Variants in MRTFB observed in about 807,000 individuals in gnomAD.
The protein encoded by MRTFB is myocardin-related transcription factor B.
A neutral mutation model predicts 104.2 loss-of-function variants in MRTFB; 29 were observed. That is an observed-to-expected ratio of 0.28 (90% CI 0.21 to 0.38). The LOEUF (loss-of-function observed/expected upper bound fraction) is 0.38, where lower values mean the gene tolerates loss of function less well. Among genes scored for constraint, MRTFB ranks in the 10% least tolerant of loss-of-function variants. The pLI is 1.00. For synonymous variants in MRTFB, 535 were observed against 519.5 expected, an observed-to-expected ratio of 1.03 and a Z score of -0.41; for missense variants, 1,270 against 1,341.6, an observed-to-expected ratio of 0.95 and a Z score of 0.83.
rs941827968 is a variant in MRTFB, at chr16:14,177,931, TGTGTGC to T, written c.155-32311_155-32306del. ...GTGTGTGTGTGTGTGTGTGTGTGTG[TGTGTGC>T]ACGCATTGGTGGGTGTTTAGAGTTA... On this transcript the variant is annotated intron_variant, in intron 3 of 16. Transcript: ENST00000571589. This position sits in a 1 kb window ranked among gnomAD's most constrained non-coding sequence, Gnocchi z 4.7. Among the ~76,000 whole-genome samples the T allele has an allele frequency of 2.0e-5, 3 of 151,738 alleles. No individual in the cohort carries two copies. Among genetic ancestry groups the T allele is most frequent in the African/African-American group, 7.3e-5 (3 of 41,238 alleles).
the MRTFB span, among the ~76,000 whole-genome samples, chr16:13,998,415 G>A: frequency 3.7e-4 from 56 of 152,250 alleles, no homozygotes; most frequent in African/African-American, 1.3e-3. Context: ...AACACTTTGG[G>A]AGGCAGGAGA....
chr16:14,186,841 G>A lies in MRTFB; in HGVS notation c.155-23402G>A, dbSNP rs1042999883. On this transcript the variant is annotated intron_variant, in intron 3 of 16. Coordinates refer to ENST00000571589, the MANE Select transcript of MRTFB (RefSeq NM_001308142.2). ...GGACCCAGGGACCAGAGTGTTCTGC[G>A]CACCGCACTTCGCTCTTCTGCAAAT... The A allele has an allele frequency of 2.8e-5, 45 of 1,593,144 alleles. No homozygotes were observed. In the African/African-American group the frequency reaches 3.1e-4, roughly 11 times the overall value.
intron 4 of MRTFB, among the ~76,000 whole-genome samples, chr16:14,211,345 A>G (rs2041182762): frequency 6.6e-6 from 1 of 152,200 alleles, no homozygotes; most frequent in Non-Finnish European, 1.5e-5. Flanking sequence ...CACCATTGCT[A>G]GGCCAGCTCT....
At chr16:14,071,069 T>TGCGCAC (rs1165708823), upstream of MRTFB, among the ~76,000 whole-genome samples, 22 of 152,164 alleles carry the variant, frequency 1.4e-4, no homozygotes, top group African/African-American at 4.6e-4. Context: ...GACATGCGCA[T>TGCGCAC]GCGCACGCGC....
At chr16:14,055,793 A>G in the MRTFB span, among the ~76,000 whole-genome samples, 5 of 149,996 alleles carry the variant, frequency 3.3e-5, no homozygotes, top group Non-Finnish European at 7.4e-5. Context: ...TAAAGTTACC[A>G]TTTTTCTTTT....
At chr16:14,200,815 T>C in intron 3 of MRTFB, 1 of 1,471,714 alleles carries the variant, frequency 6.8e-7, no homozygotes, top group Non-Finnish European at 9.5e-7. Flanking sequence ...TAAAAAGTGG[T>C]TGGCGGTGGT....
Position 14,198,670 on chromosome 16 carries a change from CA to C in MRTFB, c.155-11572del, listed in dbSNP as rs1379648844. Among the ~76,000 whole-genome samples the C allele has an allele frequency of 2.0e-5, 3 of 152,188 alleles. No individual in the cohort carries two copies. In the East Asian group the frequency reaches 5.8e-4, roughly 29 times the overall value. ...CCTCAAAATTAACTTTCCCTTTACC[CA>C]TCTCACTTGGAACAGATGACCTTTC... is the stretch of plus-strand genomic sequence containing the variant. On this transcript the variant is annotated intron_variant, in intron 3 of 16. Transcript: ENST00000571589.
At chr16:14,181,206 T>A (rs1398518940) in intron 3 of MRTFB, among the ~76,000 whole-genome samples, 6 of 151,934 alleles carry the variant, frequency 3.9e-5, no homozygotes, top group Non-Finnish European at 5.9e-5. Context: ...AAAAAAAAAT[T>A]TTTTTTTAAT....
chr16:14,252,576 CAGAAT>C, intron 15 of MRTFB, 74 bp downstream of exon 15: 4 of 1,495,520 alleles, frequency 2.7e-6, no homozygotes, highest in South Asian at 1.4e-5. Flanking sequence ...CAGACCTATA[CAGAAT>C]CCCTTGTCTG....
At chr16:14,111,644 C>A in intron 2 of MRTFB, among the ~76,000 whole-genome samples, 1 of 152,190 alleles carries the variant, frequency 6.6e-6, no homozygotes, top group East Asian at 1.9e-4. Flanking sequence ...CCCTCTACCA[C>A]CCACTGCCAG....
rs76524542 is a variant in MRTFB, at chr16:14,227,426, G to T, written c.694-6720G>T. On this transcript the variant is annotated intron_variant, in intron 8 of 16. Coordinates refer to ENST00000571589, the MANE Select transcript of MRTFB (RefSeq NM_001308142.2). ...GAAGCAGCCTGAGGCCTTGCCAGATGCACATGCTGGTGCCACGCATCCTGT... is the reference window on the plus strand; with the variant it reads ...GAAGCAGCCTGAGGCCTTGCCAGATTCACATGCTGGTGCCACGCATCCTGT... 6.1e-3 allele frequency among the ~76,000 whole-genome samples: 932 copies of T among 152,312 alleles called. 36 individuals carry two copies. The East Asian group carries it at 0.11, about 19-fold the overall frequency.
chr16:14,031,812 T>G, the MRTFB span, among the ~76,000 whole-genome samples: 1 of 152,126 alleles, frequency 6.6e-6, no homozygotes, highest in African/African-American at 2.4e-5. Flanking sequence ...GAGGTGACTT[T>G]TTTTTATCTT....
intron 2 of MRTFB, among the ~76,000 whole-genome samples, chr16:14,140,335 C>A (rs2037930407): frequency 6.6e-6 from 1 of 152,110 alleles, no homozygotes. Context: ...TATATTTCAG[C>A]TTTATTTACC....
chr16:14,206,018 A>T (rs1209673481), intron 3 of MRTFB, among the ~76,000 whole-genome samples: 1 of 151,268 alleles, frequency 6.6e-6, no homozygotes, highest in Non-Finnish European at 1.5e-5. Flanking sequence ...TTTGTCAGGC[A>T]GTTGTGCAAG....
At chr16:14,108,892 A>G (rs772843641) in intron 2 of MRTFB, among the ~76,000 whole-genome samples, 28 of 152,180 alleles carry the variant, frequency 1.8e-4, no homozygotes, top group Non-Finnish European at 3.5e-4. Context: ...TGGGACTTTT[A>G]AGGCCAGAAG....
intron 15 of MRTFB, among the ~76,000 whole-genome samples, chr16:14,254,106 G>C (rs1046829626): frequency 6.6e-6 from 1 of 152,150 alleles, no homozygotes; most frequent in African/African-American, 2.4e-5. Context: ...ATGTCTCTAG[G>C]TTCCTGTTTA....
At chr16:14,249,706 C>A (rs761274154) in intron 13 of MRTFB, among the ~76,000 whole-genome samples, 1 of 152,172 alleles carries the variant, frequency 6.6e-6, no homozygotes, top group Non-Finnish European at 1.5e-5. Flanking sequence ...TCCCGCATTC[C>A]CCGGTAGCCA....
At chr16:14,198,331 A>G (rs956397843) in intron 3 of MRTFB, among the ~76,000 whole-genome samples, 1 of 152,186 alleles carries the variant, frequency 6.6e-6, no homozygotes, top group Admixed American at 6.5e-5. Context: ...TCCAATTCTT[A>G]TTTCACCTAG....
At position 14,252,203 on chromosome 16, in the gene MRTFB, A is replaced by T. The variant is rs367711118; in HGVS notation, c.2566-162A>T. Among the ~76,000 whole-genome samples, 45 of 152,282 alleles carry T rather than the reference A, an allele frequency of 3.0e-4. No homozygotes were observed. In the South Asian group the frequency reaches 9.4e-3, roughly 32 times the overall value. On this transcript the variant is annotated intron_variant, in intron 14 of 16. Coordinates refer to ENST00000571589, the MANE Select transcript of MRTFB (RefSeq NM_001308142.2). ...ACAGTGAAGATGATCGTTCGCACAT[A>T]AGGTGGCCACCAGTGCTGTCAGCCT...
Sources: gnomAD v4.1 joint callset for allele counts (sites outside exome capture counted in the v4.1 genomes callset) on GRCh38, gnomAD v4.1.1 for gene constraint, Gnocchi (gnomAD v3.1) non-coding constraint, MANE v1.5 for transcripts, NCBI Gene and HGNC (gene_info 2026-07-23, HGNC 2026-07-21) for gene names.